The following MON2 variants were observed in gnomAD, a reference collection of about 807,000 sequenced individuals.
MON2 encodes the protein protein MON2 homolog.
MON2 carries 84 observed loss-of-function variants against 208.6 expected under a neutral mutation model. That is an observed-to-expected ratio of 0.40 (90% CI 0.34 to 0.48). MON2 has a LOEUF of 0.48. Among genes scored for constraint, MON2 ranks in the 20% least tolerant of loss-of-function variants. The pLI, the probability that MON2 is intolerant of heterozygous loss-of-function variation, is 0.59. For missense variants in MON2, 1,611 were observed against 2,015.4 expected (o/e 0.80, Z 3.84); for synonymous variants, 660 against 694.0 (o/e 0.95, Z 0.77).
intron 2 of MON2, among the ~76,000 whole-genome samples, chr12:62,485,888 G>A (rs1029671834): frequency 6.6e-6 from 1 of 152,134 alleles, no homozygotes; most frequent in East Asian, 1.9e-4. Context: ...ATTTTTAGTA[G>A]AGACAGGGTT....
At position 62,592,595 on chromosome 12, in the gene MON2, A is replaced by G. The variant is rs773856903; in HGVS notation, c.5000A>G (p.Asn1667Ser). 2 of 1,592,254 alleles carry G rather than the reference A, an allele frequency of 1.3e-6. No homozygotes were observed. The highest frequency in any genetic ancestry group is 2.3e-5 in the South Asian group (2 of 88,528). The change falls in exon 35 of 35, where the codon AAT becomes AGT. Residue 1667 changes from asparagine to serine, a missense_variant. Transcript: ENST00000393630. ...KKTQPENVDG[N>S]TWAQVIALYP... ...TACTTTTGCATTACAGTTGATGGAA[A>G]TACCTGGGCACAAGTAATTGCCTTA...
rs959362675 is a variant in MON2 at position 62,585,417 on chromosome 12, T to A, written c.4823T>A (p.Leu1608His). ...GAAGGCTACATCTCACGAATGGCAC[T>A]CTCAGTGCTTTTAAAGAGGTCCCAA... is the stretch of plus-strand genomic sequence containing the variant. ...PQEGYISRMA[L>H]SVLLKRSQDV... Residue 1608 changes from leucine (L) to histidine (H), a missense_variant, in exon 33 of 35, where the codon CTC (leucine) becomes CAC (histidine). Physicochemically the swap from Leu to His is moderately conservative, Grantham distance 99. Transcript: ENST00000393630. The A allele has an allele frequency of 6.2e-7, 1 of 1,613,700 alleles. No individual in the cohort carries two copies. The highest frequency in any genetic ancestry group is 8.5e-7 in the Non-Finnish European group (1 of 1,179,754).
rs964712966 is a variant in MON2, at chr12:62,511,441, A to G, written c.984+2961A>G. ...CAAAAACCCATGGAACAGAATGGAGAGCCCAAAAATAAACTCTCATATATA... is the reference window on the plus strand; with the variant it reads ...CAAAAACCCATGGAACAGAATGGAGGGCCCAAAAATAAACTCTCATATATA... On this transcript the variant is annotated intron_variant, in intron 8 of 34. Coordinates refer to ENST00000393630, the MANE Select transcript of MON2 (RefSeq NM_015026.3). 2.6e-5 allele frequency among the ~76,000 whole-genome samples: 4 copies of G among 152,172 alleles called. No individual in the cohort carries two copies. In the South Asian group the frequency reaches 6.2e-4, roughly 24 times the overall value.
intron 7 of MON2, among the ~76,000 whole-genome samples, chr12:62,503,957 G>GACAC (rs58700823): frequency 1.7e-4 from 26 of 151,212 alleles, no homozygotes; most frequent in Non-Finnish European, 1.6e-4. Context: ...CCTCCTGCCT[G>GACAC]ACACACACAC....
rs748229367 is a variant in MON2, at chr12:62,549,961, G to A, written c.2916+131G>A. The A allele has an allele frequency of 4.8e-5, 25 of 518,930 alleles. 1 individual carries two copies. The highest frequency in any genetic ancestry group is 5.2e-4 in the Middle Eastern group (1 of 1,936). The allele number at this position is 518,930 out of a possible 1,614,324, so 32.1% of individuals were successfully genotyped here. ...TATGGCTTTTAAATTTCAAACTTAC[G>A]TCTGGGTGAAGGATTAAATAACATC... On this transcript the variant is annotated intron_variant, in intron 23 of 34. Coordinates refer to ENST00000393630, the MANE Select transcript of MON2 (RefSeq NM_015026.3).
intron 25 of MON2, chr12:62,560,138 G>A (rs1345594233): frequency 3.6e-5 from 6 of 165,204 alleles, no homozygotes; most frequent in Admixed American, 2.5e-4. Flanking sequence ...GTAGCTTTTG[G>A]GGTACAAGTG....
In MON2 at chr12:62,560,676, A is replaced by C. The variant is rs2074166046; in HGVS notation, c.3595A>C (p.Ile1199Leu). ...PVVNVPVPVL[I>L]GPISGMSRPF... ...AGTTAATGTACCTGTGCCTGTTCTTATAGGGCCCATATCAGGCATGAGCAG... is the reference window on the plus strand; with the variant it reads ...AGTTAATGTACCTGTGCCTGTTCTTCTAGGGCCCATATCAGGCATGAGCAG... The change falls in exon 26 of 35, where the codon ATA becomes CTA. Residue 1199 changes from isoleucine (I) to leucine (L), a missense_variant. Physicochemically the swap from Ile to Leu is conservative, Grantham distance 5. Coordinates refer to ENST00000393630, the MANE Select transcript of MON2 (RefSeq NM_015026.3). The C allele has an allele frequency of 6.2e-7, 1 of 1,614,018 alleles. No homozygotes were observed. Among genetic ancestry groups the C allele is most frequent in the Non-Finnish European group, 8.5e-7 (1 of 1,179,936 alleles).
At chr12:62,540,191 C>T (rs548561331) in intron 19 of MON2, among the ~76,000 whole-genome samples, 1 of 152,134 alleles carries the variant, frequency 6.6e-6, no homozygotes, top group Non-Finnish European at 1.5e-5. Context: ...AGTAGGCTTA[C>T]TGTGTACATG....
chr12:62,579,338 A>AT (rs1462915204), intron 31 of MON2, among the ~76,000 whole-genome samples: 1 of 152,028 alleles, frequency 6.6e-6, no homozygotes, highest in Non-Finnish European at 1.5e-5. Context: ...GTGGTTGTGG[A>AT]TTTTTTTGTT....
intron 1 of MON2, among the ~76,000 whole-genome samples, chr12:62,472,826 T>C (rs1417224426): frequency 2.0e-5 from 3 of 152,224 alleles, no homozygotes; most frequent in Non-Finnish European, 4.4e-5. Context: ...TTTCTTCCTC[T>C]TGACATTGTG....
chr12:62,501,804 G>A (rs2070847363), intron 7 of MON2, 106 bp downstream of exon 7: 1 of 1,244,868 alleles, frequency 8.0e-7, no homozygotes, highest in Non-Finnish European at 1.1e-6. Context: ...GTGGCAAAGA[G>A]GCCAGAGTTG....
At position 62,593,188 on chromosome 12, in the gene MON2, G is replaced by A. The variant is rs1164154841; in HGVS notation, c.*439G>A. 2 of 154,968 alleles carry A rather than the reference G, an allele frequency of 1.3e-5. No individual in the cohort carries two copies. The highest frequency in any genetic ancestry group is 2.4e-5 in the African/African-American group (1 of 41,450). The allele number at this position is 154,968 out of a possible 1,614,324, so 9.6% of individuals were successfully genotyped here. A position where few individuals can be genotyped will look rare whatever the true frequency, so the allele number is the denominator to read the frequency against. On this transcript the variant is annotated 3_prime_UTR_variant, in exon 35 of 35. Coordinates refer to ENST00000393630, the MANE Select transcript of MON2 (RefSeq NM_015026.3). ...CTAGAATTTTATGCAAGATGGTACT[G>A]TAACATTCCATATTATCTATAACCA... is the stretch of plus-strand genomic sequence containing the variant.
chr12:62,493,489 A>C lies in MON2; in HGVS notation c.176-426A>C, dbSNP rs183989075. Among the ~76,000 whole-genome samples the C allele has an allele frequency of 6.9e-4, 105 of 152,322 alleles. 1 individual carries two copies. In the South Asian group the frequency reaches 0.018, roughly 26 times the overall value. The stretch of plus-strand genomic sequence containing the variant: ...AATTCTAGGAAATTTCTTAATATTC[A>C]TTTACAAGTATTGTGGGGATGATGT... On this transcript the variant is annotated intron_variant, in intron 2 of 34. Coordinates refer to ENST00000393630, the MANE Select transcript of MON2 (RefSeq NM_015026.3).
Position 62,500,066 on chromosome 12 carries a change from G to A in MON2, c.566-717G>A, listed in dbSNP as rs373275851. Among the ~76,000 whole-genome samples, 49 of 152,034 alleles carry A rather than the reference G, an allele frequency of 3.2e-4. No individual in the cohort carries two copies. The East Asian group carries it at 8.5e-3, about 26-fold the overall frequency. ...CAAAATCATATTGTAATAACACAGGGCAATTTCCCAGTTTCAATGTTTTAT... is the reference window on the plus strand; with the variant it reads ...CAAAATCATATTGTAATAACACAGGACAATTTCCCAGTTTCAATGTTTTAT... On this transcript the variant is annotated intron_variant, in intron 5 of 34. Transcript: ENST00000393630.
chr12:62,524,585 G>C lies in MON2; in HGVS notation c.1055G>C (p.Arg352Pro). The change falls in exon 9 of 35, where the codon CGA (arginine) becomes CCA (proline). Residue 352 changes from arginine to proline, a missense_variant. By Grantham distance (103) the Arg-to-Pro change is moderately radical. Transcript: ENST00000393630. ...GATGCAGATAAACCACAGTGGCTAC[G>C]AGCTGTTGCGGTGGAATCAATACAC... is the stretch of plus-strand genomic sequence containing the variant. ...FLDADKPQWLRAVAVESIHRF... is the reference protein window; with the variant it reads ...FLDADKPQWLPAVAVESIHRF... The C allele has an allele frequency of 6.2e-7, 1 of 1,613,520 alleles. No individual in the cohort carries two copies. The highest frequency in any genetic ancestry group is 8.5e-7 in the Non-Finnish European group (1 of 1,179,622).
chr12:62,572,167 T>C (rs1283506896), intron 30 of MON2, among the ~76,000 whole-genome samples: 1 of 152,220 alleles, frequency 6.6e-6, no homozygotes, highest in Non-Finnish European at 1.5e-5. Flanking sequence ...CAGTAGCAAT[T>C]GCTAGTTACA....
At chr12:62,538,867 G>A (rs2073105057) in intron 19 of MON2, among the ~76,000 whole-genome samples, 1 of 151,924 alleles carries the variant, frequency 6.6e-6, no homozygotes, top group Non-Finnish European at 1.5e-5. Flanking sequence ...ATTAAAGAAT[G>A]TTTGTCTCAG....
At chr12:62,534,967 TAA>T (rs11364534) in intron 13 of MON2, 41 bp downstream of exon 13, 16 of 1,310,606 alleles carry the variant, frequency 1.2e-5, no homozygotes, top group Non-Finnish European at 1.5e-5. Flanking sequence ...CTGTGTCAGT[TAA>T]AAAAAACACA....
intron 1 of MON2, among the ~76,000 whole-genome samples, chr12:62,473,705 G>T (rs940017208): frequency 6.6e-6 from 1 of 152,070 alleles, no homozygotes; most frequent in Non-Finnish European, 1.5e-5. Flanking sequence ...GAGTAGCTGG[G>T]ACTGTAGGCA....
Sources: allele counts gnomAD v4.1 joint callset (sites outside exome capture counted in the v4.1 genomes callset), GRCh38; gene constraint gnomAD v4.1.1; transcripts MANE v1.5; gene names NCBI Gene and HGNC (gene_info 2026-07-23, HGNC 2026-07-21).